Variants in TLR1 observed in about 807,000 individuals in gnomAD.
The protein encoded by TLR1 is toll-like receptor 1.
Under a neutral mutation model 20.2 loss-of-function variants are expected in TLR1, and 19 were observed. The ratio of observed to expected loss-of-function variants is 0.94; its 90% CI spans 0.66 to 1.38. The LOEUF (loss-of-function observed/expected upper bound fraction) is 1.38. TLR1 is among the 40% of genes most tolerant of loss of function. TLR1 has a pLI of 0.00. For synonymous variants in TLR1, 320 were observed against 334.5 expected, an observed-to-expected ratio of 0.96 and a Z score of 0.47; for missense variants, 921 against 910.0, an observed-to-expected ratio of 1.01 and a Z score of -0.16.
rs13152776 is a variant in TLR1 at position 38,798,431 on chromosome 4, T to C, written c.401A>G (p.Glu134Gly). The change falls in exon 4 of 4, where the codon GAG (glutamate) becomes GGG (glycine). Residue 134 changes from glutamate (E) to glycine (G), a missense_variant. Glu to Gly is a moderately conservative substitution (Grantham distance 98). Coordinates refer to ENST00000308979, the MANE Select transcript of TLR1 (RefSeq NM_003263.4). ...NAFDALPICKEFGNMSQLKFL... is the reference protein window; with the variant it reads ...NAFDALPICKGFGNMSQLKFL... ...TTTTAGTTGAGACATATTGCCAAACTCTTTGCATATAGGCAGGGCATCAAA... is the reference window on the plus strand; with the variant it reads ...TTTTAGTTGAGACATATTGCCAAACCCTTTGCATATAGGCAGGGCATCAAA... 10 of 1,613,572 alleles carry C rather than the reference T, an allele frequency of 6.2e-6. No individual in the cohort carries two copies. Among genetic ancestry groups the C allele is most frequent in the Non-Finnish European group, 8.5e-6 (10 of 1,179,660 alleles).
downstream of TLR1, among the ~76,000 whole-genome samples, chr4:38,787,872 C>A (rs547514054): frequency 6.6e-6 from 1 of 152,148 alleles, no homozygotes; most frequent in Non-Finnish European, 1.5e-5. Context: ...AATGCACCCA[C>A]GAAACTTTCC....
chr4:38,789,075 T>A (rs1246905404), downstream of TLR1, among the ~76,000 whole-genome samples: 1 of 152,226 alleles, frequency 6.6e-6, no homozygotes, highest in Non-Finnish European at 1.5e-5. Flanking sequence ...ACTCATCACT[T>A]CCTAATTATT....
chr4:38,791,647 C>G (rs1258559587), downstream of TLR1, among the ~76,000 whole-genome samples: 1 of 152,118 alleles, frequency 6.6e-6, no homozygotes. Context: ...CCAGGATAAT[C>G]TAGATGAAAC....
downstream of TLR1, among the ~76,000 whole-genome samples, chr4:38,795,006 A>C (rs977558978): frequency 5.9e-5 from 9 of 152,248 alleles, no homozygotes; most frequent in African/African-American, 2.2e-4. Context: ...GAGAAGAGTG[A>C]CCAAGGAAGA....
rs1481904176 is a variant in TLR1 at position 38,798,369 on chromosome 4, T to G, written c.463A>C (p.Ser155Arg). Residue 155 changes from serine to arginine, a missense_variant, in exon 4 of 4, where the codon AGT becomes CGT. By Grantham distance (110) the Ser-to-Arg change is moderately radical (BLOSUM62 -1). Transcript: ENST00000308979. Reference sequence around the variant, plus strand: ...TTCAAATGAGCAATTGGCAGCACACTAGATTTTTCTAAGTGTGTGGTGCTC... The same window carrying G: ...TTCAAATGAGCAATTGGCAGCACACGAGATTTTTCTAAGTGTGTGGTGCTC... ...GLSTTHLEKS[S>R]VLPIAHLNIS... 1 of 1,613,958 alleles carries G rather than the reference T, an allele frequency of 6.2e-7. No individual in the cohort carries two copies. The highest frequency in any genetic ancestry group is 8.5e-7 in the Non-Finnish European group (1 of 1,179,946).
At position 38,797,565 on chromosome 4, in the gene TLR1, T is replaced by G. The variant is rs1194252273; in HGVS notation, c.1267A>C (p.Lys423Gln). 3 of 1,613,400 alleles carry G rather than the reference T, an allele frequency of 1.9e-6. No individual in the cohort carries two copies. The highest frequency in any genetic ancestry group is 2.5e-6 in the Non-Finnish European group (3 of 1,179,916). Residue 423 changes from lysine to glutamine, a missense_variant, in exon 4 of 4, where the codon AAA becomes CAA. Physicochemically the swap from Lys to Gln is moderately conservative, Grantham distance 53. Coordinates refer to ENST00000308979, the MANE Select transcript of TLR1 (RefSeq NM_003263.4). Reference protein sequence around the residue: ...DEKKGDCSWTKSLLSLNMSSN... With the variant: ...DEKKGDCSWTQSLLSLNMSSN... ...GACATATTTAAACTTAATAAACTTT[T>G]AGTCCAAGAACAGTCTCCTTTCTTT...
chr4:38,789,901 A>G (rs1008117035), downstream of TLR1, among the ~76,000 whole-genome samples: 1 of 152,200 alleles, frequency 6.6e-6, no homozygotes, highest in African/African-American at 2.4e-5. Context: ...TACATTATAC[A>G]CTATGATTAC....
chr4:38,792,734 C>T (rs762585363), downstream of TLR1, among the ~76,000 whole-genome samples: 1 of 151,772 alleles, frequency 6.6e-6, no homozygotes, highest in Admixed American at 6.6e-5. Flanking sequence ...TCCATGGCTG[C>T]TAATAACCTC....
rs1726915096 is a variant in TLR1 at position 38,804,746 on chromosome 4, T to A, written c.-237+8A>T. 6.6e-6 allele frequency: 1 copy of A among 152,244 alleles called. No homozygotes were observed. Among genetic ancestry groups the A allele is most frequent in the Non-Finnish European group, 1.5e-5 (1 of 68,048 alleles). 9.4% of individuals were successfully genotyped at this position (152,244 alleles called of 1,614,324 possible). On this transcript the variant is annotated splice_region_variant and intron_variant, in intron 1 of 3. Transcript: ENST00000308979. ...TTCTTTTACAAAAGAAAAGAATGTG[T>A]TGCTTACCAAGACAACCTGCTTGTC...
Position 38,797,217 on chromosome 4 carries a change from T to A in TLR1, c.1615A>T (p.Ile539Leu). 6.2e-7 allele frequency: 1 copy of A among 1,614,254 alleles called. No homozygotes were observed. The highest frequency in any genetic ancestry group is 8.5e-7 in the Non-Finnish European group (1 of 1,180,034). Residue 539 changes from isoleucine to leucine, a missense_variant, in exon 4 of 4, where the codon ATA becomes TTA. By Grantham distance (5) the Ile-to-Leu change is conservative. Coordinates refer to ENST00000308979, the MANE Select transcript of TLR1 (RefSeq NM_003263.4). ...TCELGEFVKN[I>L]DQVSSEVLEG... The stretch of plus-strand genomic sequence containing the variant: ...AACACTTCACTTGATACTTGGTCTA[T>A]ATTTTTGACAAATTCTCCTAGCTCA...
chr4:38,801,118 G>C (rs941778880), intron 2 of TLR1, among the ~76,000 whole-genome samples, 170 bp from the exon 3 acceptor site: 1 of 152,214 alleles, frequency 6.6e-6, no homozygotes, highest in Admixed American at 6.5e-5. Flanking sequence ...GGATGTTATA[G>C]CTTGAATGTT....
chr4:38,798,751 A>G lies in TLR1; in HGVS notation c.81T>C (p.Phe27=). ...GACCGTTTTTTGACCTATCAACTAA[A>G]AATTCACTTTCTTCAGATAATTGTA... ...IRIQLSEESE[F]LVDRSKNGLI... Residue 27 remains phenylalanine, a synonymous_variant, in exon 4 of 4, where the codon TTT becomes TTC. Coordinates refer to ENST00000308979, the MANE Select transcript of TLR1 (RefSeq NM_003263.4). 6.2e-7 allele frequency: 1 copy of G among 1,612,666 alleles called. No homozygotes were observed. The highest frequency in any genetic ancestry group is 1.1e-5 in the South Asian group (1 of 90,748).
Position 38,797,777 on chromosome 4 carries a change from T to C in TLR1, c.1055A>G (p.His352Arg), listed in dbSNP as rs1291885643. 6.2e-7 allele frequency: 1 copy of C among 1,614,172 alleles called. No individual in the cohort carries two copies. Among genetic ancestry groups the C allele is most frequent in the East Asian group, 2.2e-5 (1 of 44,878 alleles). The change falls in exon 4 of 4, where the codon CAT (histidine) becomes CGT (arginine). Residue 352 changes from histidine (H) to arginine (R), a missense_variant. Coordinates refer to ENST00000308979, the MANE Select transcript of TLR1 (RefSeq NM_003263.4). ...TAAGAGATTATTGGAAAAATCCAAATGCAGGAACGGGCTAATTTTGGATGG... is the reference window on the plus strand; with the variant it reads ...TAAGAGATTATTGGAAAAATCCAAACGCAGGAACGGGCTAATTTTGGATGG... ...LCPSKISPFL[H>R]LDFSNNLLTD...
Position 38,798,038 on chromosome 4 carries a change from A to C in TLR1, c.794T>G (p.Leu265Arg), listed in dbSNP as rs761698987. 27 of 1,614,096 alleles carry C rather than the reference A, an allele frequency of 1.7e-5. No homozygotes were observed. Among genetic ancestry groups the C allele is most frequent in the Admixed American group, 3.3e-5 (2 of 60,008 alleles). Residue 265 changes from leucine to arginine, a missense_variant, in exon 4 of 4, where the codon CTC becomes CGC. Transcript: ENST00000308979. The part of the protein sequence containing the change: ...ETTWNSFIRI[L>R]QLVWHTTVWY... ...TACAGTTGTATGCCAAACCAGCTGG[A>C]GGATCCTAATGAAAGAATTCCAAGT...
At position 38,798,411 on chromosome 4, in the gene TLR1, G is replaced by T. The variant is rs1332062731; in HGVS notation, c.421C>A (p.Leu141Ile). 1.2e-6 allele frequency: 2 copies of T among 1,613,510 alleles called. No homozygotes were observed. The highest frequency in any genetic ancestry group is 8.5e-7 in the Non-Finnish European group (1 of 1,179,606). ...GTGGTGCTCAACCCCAGAAATTTTAGTTGAGACATATTGCCAAACTCTTTG... is the reference window on the plus strand; with the variant it reads ...GTGGTGCTCAACCCCAGAAATTTTATTTGAGACATATTGCCAAACTCTTTG... ...ICKEFGNMSQ[L>I]KFLGLSTTHL... is the part of the protein sequence containing the mutation. The change falls in exon 4 of 4, where the codon CTA (leucine) becomes ATA (isoleucine). Residue 141 changes from leucine (L) to isoleucine (I), a missense_variant. Transcript: ENST00000308979.
At chr4:38,804,191 A>G (rs1436672090) in intron 2 of TLR1, 115 bp downstream of exon 2, 5 of 152,170 alleles carry the variant, frequency 3.3e-5, no homozygotes, top group African/African-American at 1.2e-4. Context: ...CCTGGGAAAC[A>G]TTTTCAAAAC....
At chr4:38,799,479 C>G (rs1463717398) in intron 3 of TLR1, among the ~76,000 whole-genome samples, 1 of 152,148 alleles carries the variant, frequency 6.6e-6, no homozygotes, top group African/African-American at 2.4e-5. Context: ...CTGCTGACAC[C>G]TTGAGTTTCG....
At position 38,800,876 on chromosome 4, in the gene TLR1, A is replaced by G. The variant is rs374772817; in HGVS notation, c.-87T>C. 1 of 152,742 alleles carries G rather than the reference A, an allele frequency of 6.5e-6. No homozygotes were observed. The allele number at this position is 152,742 out of a possible 1,614,324, so 9.5% of individuals were successfully genotyped here. On this transcript the variant is annotated 5_prime_UTR_variant, in exon 3 of 4. Transcript: ENST00000308979. ...ACTTACCCTTTTGTAGGGGTGCCCA[A>G]TATGCCTTTGTTATCCTGATTTCTT... is the stretch of plus-strand genomic sequence containing the variant.
At position 38,796,667 on chromosome 4, in the gene TLR1, C is replaced by T. The variant is rs757481200; in HGVS notation, c.2165G>A (p.Gly722Glu). The T allele has an allele frequency of 1.9e-6, 3 of 1,614,124 alleles. No homozygotes were observed. Among genetic ancestry groups the T allele is most frequent in the East Asian group, 4.5e-5 (2 of 44,886 alleles). ...YFAHHNLFHE[G>E]SNSLILILLE... is the part of the protein sequence containing the mutation. ...CAAGATCAGGATTAAGCTATTAGATCCTTCATGAAAGAGATTGTGATGGGC... is the reference window on the plus strand; with the variant it reads ...CAAGATCAGGATTAAGCTATTAGATTCTTCATGAAAGAGATTGTGATGGGC... The change falls in exon 4 of 4, where the codon GGA becomes GAA. Residue 722 changes from glycine to glutamate, a missense_variant. Physicochemically the swap from Gly to Glu is moderately conservative, Grantham distance 98 (BLOSUM62 -2). Transcript: ENST00000308979.
Sources: gnomAD v4.1 joint callset for allele counts (sites outside exome capture counted in the v4.1 genomes callset) on GRCh38, gnomAD v4.1.1 for gene constraint, MANE v1.5 for transcripts, NCBI Gene and HGNC (gene_info 2026-07-23, HGNC 2026-07-21) for gene names.